Variants in SYN2 observed in about 807,000 individuals in gnomAD.
SYN2 encodes the protein synapsin-2.
A neutral mutation model predicts 50.9 loss-of-function variants in SYN2; 19 were observed. The ratio of observed to expected loss-of-function variants is 0.37; its 90% CI spans 0.26 to 0.55. SYN2 has a LOEUF of 0.55. Among genes scored for constraint, SYN2 ranks in the 20% least tolerant of loss-of-function variants. The pLI, the probability that SYN2 is intolerant of heterozygous loss-of-function variation, is 0.81. For synonymous variants in SYN2, 255 were observed against 224.9 expected, an observed-to-expected ratio of 1.13 and a Z score of -1.20; for missense variants, 587 against 576.4, an observed-to-expected ratio of 1.02 and a Z score of -0.19.
chr3:12,126,122 A>C (rs1174842718), intron 1 of SYN2, among the ~76,000 whole-genome samples: 3 of 152,234 alleles, frequency 2.0e-5, no homozygotes, highest in African/African-American at 7.2e-5. Flanking sequence ...TAAAGCACAG[A>C]ATCTGGAAAC....
rs1209588945 is a variant in SYN2 at position 12,190,567 on chromosome 3, C to G, written c.1691C>G (p.Ala564Gly). The change falls in exon 13 of 13, where the codon GCC (alanine) becomes GGC (glycine). Residue 564 changes from alanine to glycine, a missense_variant. Transcript: ENST00000621198. ...CGGTCTTCAGCCAATGAGGATGAAG[C>G]CAAAGCAGAGACCATCCGGAGCTTG... ...FFRSSANEDE[A>G]KAETIRSLRK... 1 of 1,613,302 alleles carries G rather than the reference C, an allele frequency of 6.2e-7. No individual in the cohort carries two copies. The highest frequency in any genetic ancestry group is 8.5e-7 in the Non-Finnish European group (1 of 1,179,506).
At chr3:12,159,027 C>T (rs1418383305) in intron 5 of SYN2, 5 of 747,952 alleles carry the variant, frequency 6.7e-6, no homozygotes, top group African/African-American at 1.8e-5. Context: ...ACCCGAGGCT[C>T]TTCCGACCTG....
intron 1 of SYN2, among the ~76,000 whole-genome samples, chr3:12,084,765 A>G (rs1443744431): frequency 6.6e-6 from 1 of 152,192 alleles, no homozygotes; most frequent in African/African-American, 2.4e-5. Context: ...CATAAAATGG[A>G]AGAAGGAGTA....
intron 1 of SYN2, among the ~76,000 whole-genome samples, chr3:12,051,940 T>C (rs1007814393): frequency 3.3e-5 from 5 of 152,242 alleles, no homozygotes; most frequent in African/African-American, 1.2e-4. Flanking sequence ...GTATTTCCCA[T>C]GTGGGCTGTT....
chr3:12,016,100 G>A (rs1403905200), intron 1 of SYN2, among the ~76,000 whole-genome samples: 2 of 152,176 alleles, frequency 1.3e-5, no homozygotes, highest in African/African-American at 2.4e-5. Flanking sequence ...CTAGATTCCA[G>A]TGATATAGTG....
chr3:12,102,631 T>C (rs1047372168), intron 1 of SYN2, among the ~76,000 whole-genome samples: 2 of 152,180 alleles, frequency 1.3e-5, no homozygotes, highest in Non-Finnish European at 2.9e-5. Flanking sequence ...CCTGAACCAT[T>C]GTTTTGCTAT....
chr3:12,066,332 A>C (rs1336433897), intron 1 of SYN2, among the ~76,000 whole-genome samples: 1 of 152,224 alleles, frequency 6.6e-6, no homozygotes, highest in African/African-American at 2.4e-5. Context: ...AACCATTCTG[A>C]AAAATAAAAT....
chr3:12,101,839 T>G lies in SYN2; in HGVS notation c.378-38812T>G, dbSNP rs146101115. Among the ~76,000 whole-genome samples the G allele has an allele frequency of 6.6e-3, 1,010 of 152,232 alleles. 6 individuals are homozygous for G. The highest frequency in any genetic ancestry group is 0.023 in the African/African-American group (962 of 41,552). On this transcript the variant is annotated intron_variant, in intron 1 of 12. Transcript: ENST00000621198. The stretch of plus-strand genomic sequence containing the variant: ...TATTTGTGGAGATGTATCCAGTTCC[T>G]TTTAGGATGTTGGCAAAATCACTAG...
At chr3:12,062,602 G>C (rs936799764) in intron 1 of SYN2, among the ~76,000 whole-genome samples, 1 of 151,924 alleles carries the variant, frequency 6.6e-6, no homozygotes, top group African/African-American at 2.4e-5. Flanking sequence ...TGCAAAATAT[G>C]TACCTAATAA....
intron 1 of SYN2, among the ~76,000 whole-genome samples, chr3:12,014,050 A>T (rs1693970395): frequency 6.6e-6 from 1 of 152,040 alleles, no homozygotes; most frequent in African/African-American, 2.4e-5. Context: ...TCTAGATTGT[A>T]TTGAGCGTCT....
At chr3:12,156,742 G>C in intron 5 of SYN2, 1 of 1,166,696 alleles carries the variant, frequency 8.6e-7, no homozygotes, top group African/African-American at 1.5e-5. Context: ...GCCCAAGGAA[G>C]ACCCTGGCTC....
chr3:12,006,995 AT>A (rs1693815463), intron 1 of SYN2, among the ~76,000 whole-genome samples: 1 of 152,224 alleles, frequency 6.6e-6, no homozygotes, highest in South Asian at 2.1e-4. Context: ...ATCCTATTAA[AT>A]GCACTTGTTT....
rs561041864 is a variant in SYN2 at position 12,135,801 on chromosome 3, C to T, written c.378-4850C>T. 5.3e-5 allele frequency among the ~76,000 whole-genome samples: 8 copies of T among 152,314 alleles called. 1 individual carries two copies. The South Asian group carries it at 1.7e-3, about 32-fold the overall frequency. ...AGTGGTCCAGCCCAAACCACCACTC[C>T]TAACATCCCAGTCAATAAGCAAGTC... is the stretch of plus-strand genomic sequence containing the variant. On this transcript the variant is annotated intron_variant, in intron 1 of 12. Transcript: ENST00000621198.
At chr3:12,116,321 T>A (rs1288255008) in intron 1 of SYN2, among the ~76,000 whole-genome samples, 1 of 152,010 alleles carries the variant, frequency 6.6e-6, no homozygotes, top group East Asian at 1.9e-4. Flanking sequence ...CAGAGAAAGG[T>A]TGGAAGAAGA....
At chr3:12,114,897 C>T (rs1318896758) in intron 1 of SYN2, among the ~76,000 whole-genome samples, 1 of 152,148 alleles carries the variant, frequency 6.6e-6, no homozygotes, top group African/African-American at 2.4e-5. Context: ...TGAGAGCTTT[C>T]TATTAACCAC....
intron 1 of SYN2, among the ~76,000 whole-genome samples, chr3:12,132,183 T>C (rs1696810973): frequency 6.6e-6 from 1 of 152,124 alleles, no homozygotes; most frequent in African/African-American, 2.4e-5. Flanking sequence ...TCCTCTGATA[T>C]TAACCTTCAG....
intron 5 of SYN2, chr3:12,156,982 T>A: frequency 7.3e-7 from 1 of 1,370,420 alleles, no homozygotes; most frequent in Non-Finnish European, 1.0e-6. Flanking sequence ...GTGAGTGTAC[T>A]GTATATATTA....
chr3:12,098,881 A>ATAT (rs56665925), intron 1 of SYN2, among the ~76,000 whole-genome samples: 4 of 146,414 alleles, frequency 2.7e-5, no homozygotes, highest in African/African-American at 5.0e-5. Flanking sequence ...ATATATATAT[A>ATAT]ATGCAAATAG....
At chr3:12,027,486 T>G (rs1001388913) in intron 1 of SYN2, among the ~76,000 whole-genome samples, 1 of 152,220 alleles carries the variant, frequency 6.6e-6, no homozygotes, top group Non-Finnish European at 1.5e-5. Flanking sequence ...TCCTGGTTGA[T>G]GAAAGATTTC....
Sources: gnomAD v4.1 joint callset for allele counts (sites outside exome capture counted in the v4.1 genomes callset) on GRCh38, gnomAD v4.1.1 for gene constraint, MANE v1.5 for transcripts, NCBI Gene and HGNC (gene_info 2026-07-23, HGNC 2026-07-21) for gene names.